The following TMTC1 variants were observed in gnomAD, a reference collection of about 807,000 sequenced individuals.
TMTC1 encodes transmembrane O-mannosyltransferase targeting cadherins 1.
In TMTC1, 73 loss-of-function variants were observed where a neutral mutation model predicts 104.8. The observed-to-expected ratio is 0.70, with a 90% CI of 0.58 to 0.85. TMTC1 has a LOEUF of 0.85. Among genes scored for constraint, TMTC1 ranks in the 40% least tolerant of loss-of-function variants. The pLI is 0.00. For synonymous variants in TMTC1, 434 were observed against 428.7 expected (o/e 1.01, Z -0.15); for missense variants, 1,035 against 1,096.1 (o/e 0.94, Z 0.79).
intron 5 of TMTC1, among the ~76,000 whole-genome samples, chr12:29,650,254 T>C (rs1939454374): frequency 6.6e-6 from 1 of 151,910 alleles, no homozygotes; most frequent in Non-Finnish European, 1.5e-5. Context: ...CTGGCTAATG[T>C]TTGTATTTTT....
At chr12:29,536,835 T>C (rs1944659748) in intron 10 of TMTC1, among the ~76,000 whole-genome samples, 1 of 152,198 alleles carries the variant, frequency 6.6e-6, no homozygotes, top group African/African-American at 2.4e-5. Flanking sequence ...ATAAATAATT[T>C]ATGAAATTAG....
chr12:29,755,839 A>G lies in TMTC1; in HGVS notation c.601T>C (p.Ser201Pro), dbSNP rs1943203236. The G allele has an allele frequency of 6.2e-7, 1 of 1,614,174 alleles. No homozygotes were observed. The highest frequency in any genetic ancestry group is 2.2e-5 in the East Asian group (1 of 44,882). Residue 201 changes from serine to proline, a missense_variant, in exon 4 of 18, where the codon TCT becomes CCT. By Grantham distance (74) the Ser-to-Pro change is moderately conservative. Transcript: ENST00000539277. ...AAACTGAGCAGCAAGAAGAAGGGAG[A>G]CACCGTGGAAGGGAAACTTCCCCCA... is the stretch of plus-strand genomic sequence containing the variant. Reference protein sequence around the residue: ...CVGGSFPSTVSPFFLLLSLFL... With the variant: ...CVGGSFPSTVPPFFLLLSLFL...
At chr12:29,627,142 A>G (rs563021511) in intron 6 of TMTC1, among the ~76,000 whole-genome samples, 1 of 152,186 alleles carries the variant, frequency 6.6e-6, no homozygotes, top group Non-Finnish European at 1.5e-5. Flanking sequence ...TTTGTGCATC[A>G]AAGGACATTA....
At chr12:29,568,627 A>G (rs1160951606) in intron 9 of TMTC1, 1 of 179,358 alleles carries the variant, frequency 5.6e-6, no homozygotes, top group Non-Finnish European at 1.2e-5. Flanking sequence ...TTCAGGGTAA[A>G]ATAAAATACT....
chr12:29,682,830 G>T (rs1183961577), intron 5 of TMTC1, among the ~76,000 whole-genome samples: 1 of 152,160 alleles, frequency 6.6e-6, no homozygotes, highest in Non-Finnish European at 1.5e-5. Flanking sequence ...TATATCTTGA[G>T]TGTGGTGGTG....
chr12:29,605,533 C>G (rs183065702), intron 6 of TMTC1, among the ~76,000 whole-genome samples: 115 of 144,410 alleles, frequency 8.0e-4, no homozygotes, highest in African/African-American at 2.8e-3. Context: ...ATGTAACAAG[C>G]CTTCAACTCA....
chr12:29,711,534 A>T (rs1220102834), intron 5 of TMTC1, among the ~76,000 whole-genome samples: 2 of 152,148 alleles, frequency 1.3e-5, no homozygotes, highest in Non-Finnish European at 2.9e-5. Context: ...TTAAACTCAG[A>T]CCGTAAAACT....
intron 5 of TMTC1, among the ~76,000 whole-genome samples, chr12:29,709,694 G>A (rs1941845954): frequency 1.3e-5 from 2 of 152,172 alleles, no homozygotes; most frequent in African/African-American, 2.4e-5. Flanking sequence ...GATGCCAGAT[G>A]GTAATGCACC....
chr12:29,672,785 C>T (rs1292738589), intron 5 of TMTC1, among the ~76,000 whole-genome samples: 1 of 152,164 alleles, frequency 6.6e-6, no homozygotes, highest in African/African-American at 2.4e-5. Flanking sequence ...TTCTGCAGAC[C>T]ACAGCTCCTC....
At chr12:29,532,580 T>G (rs1944534914) in intron 11 of TMTC1, 1 of 152,088 alleles carries the variant, frequency 6.6e-6, no homozygotes, top group African/African-American at 2.4e-5. Context: ...TATGTATAAT[T>G]TAATGGCAAG....
chr12:29,555,011 C>A (rs1418904136), intron 10 of TMTC1, among the ~76,000 whole-genome samples: 10 of 152,004 alleles, frequency 6.6e-5, no homozygotes, highest in Non-Finnish European at 1.5e-5. Context: ...TTTCAGTATA[C>A]TAGGATCCAA....
At chr12:29,653,557 T>C (rs1245400586) in intron 5 of TMTC1, among the ~76,000 whole-genome samples, 1 of 152,184 alleles carries the variant, frequency 6.6e-6, no homozygotes, top group Admixed American at 6.5e-5. Context: ...TTTCTAATTA[T>C]ATTGTTCTTC....
intron 16 of TMTC1, among the ~76,000 whole-genome samples, chr12:29,512,626 T>C (rs529099425): frequency 6.6e-6 from 1 of 152,362 alleles, no homozygotes; most frequent in East Asian, 1.9e-4. Context: ...ACATCTACTT[T>C]ACTAGGGGAT....
At chr12:29,581,663 T>G (rs1945984301) in intron 8 of TMTC1, among the ~76,000 whole-genome samples, 1 of 152,154 alleles carries the variant, frequency 6.6e-6, no homozygotes, top group African/African-American at 2.4e-5. Flanking sequence ...GTCAACATCA[T>G]TAGAAAATAC....
chr12:29,781,271 C>T (rs1943829836), intron 1 of TMTC1, among the ~76,000 whole-genome samples: 1 of 152,152 alleles, frequency 6.6e-6, no homozygotes, highest in Non-Finnish European at 1.5e-5. Flanking sequence ...GCAACTCAAT[C>T]TTCTCAAAAA....
intron 3 of TMTC1, among the ~76,000 whole-genome samples, chr12:29,757,100 A>G (rs1565817373): frequency 6.6e-6 from 1 of 152,234 alleles, no homozygotes; most frequent in Non-Finnish European, 1.5e-5. Context: ...AGATTTCATA[A>G]CACCACATCA....
At chr12:29,752,833 C>T (rs975408487) in intron 4 of TMTC1, among the ~76,000 whole-genome samples, 3 of 152,134 alleles carry the variant, frequency 2.0e-5, no homozygotes, top group African/African-American at 7.2e-5. Flanking sequence ...TAGAAACTAT[C>T]ATGGAAATGA....
At position 29,650,146 on chromosome 12, in the gene TMTC1, C is replaced by T. The variant is rs111303002; in HGVS notation, c.939-16810G>A. Reference sequence around the variant, plus strand: ...TTGCCCAGGCTGAAGTGCAGTGGCACGATCTCAGCTCACTGCAACCTCTGC... The same window carrying T: ...TTGCCCAGGCTGAAGTGCAGTGGCATGATCTCAGCTCACTGCAACCTCTGC... On this transcript the variant is annotated intron_variant, in intron 5 of 17. Coordinates refer to ENST00000539277, the MANE Select transcript of TMTC1 (RefSeq NM_001193451.2). 6.6e-3 allele frequency among the ~76,000 whole-genome samples: 991 copies of T among 150,936 alleles called. 13 individuals are homozygous for T. Among genetic ancestry groups the T allele is most frequent in the African/African-American group, 0.023 (953 of 41,038 alleles).
At chr12:29,771,094 T>C (rs771219952) in intron 1 of TMTC1, among the ~76,000 whole-genome samples, 2 of 152,212 alleles carry the variant, frequency 1.3e-5, no homozygotes, top group Admixed American at 1.3e-4. Flanking sequence ...CACAGGGTTC[T>C]GATATTACCT....
Sources: gnomAD v4.1 joint callset for allele counts (sites outside exome capture counted in the v4.1 genomes callset) on GRCh38, gnomAD v4.1.1 for gene constraint, MANE v1.5 for transcripts, NCBI Gene and HGNC (gene_info 2026-07-23, HGNC 2026-07-21) for gene names.